Variants in SLC6A2 observed in about 807,000 individuals in gnomAD.
SLC6A2 encodes the protein sodium-dependent noradrenaline transporter.
A neutral mutation model predicts 71.7 loss-of-function variants in SLC6A2; 26 were observed. The observed-to-expected ratio is 0.36, with a 90% CI of 0.27 to 0.50. The LOEUF (loss-of-function observed/expected upper bound fraction) is 0.50. Among genes scored for constraint, SLC6A2 ranks in the 20% least tolerant of loss-of-function variants. The pLI, the probability that SLC6A2 is intolerant of heterozygous loss-of-function variation, is 0.96. For missense variants in SLC6A2, 581 were observed against 803.9 expected (o/e 0.72, Z 3.35); for synonymous variants, 363 against 337.9 (o/e 1.07, Z -0.82).
At chr16:55,699,806 G>C (rs1224685331) in intron 12 of SLC6A2, 152 bp downstream of exon 12, 1 of 715,078 alleles carries the variant, frequency 1.4e-6, no homozygotes, top group Non-Finnish European at 2.5e-6. Context: ...TTGGCCCTGT[G>C]GATAACGTGG....
chr16:55,662,791 T>A (rs1369031537), intron 2 of SLC6A2, among the ~76,000 whole-genome samples: 2 of 152,204 alleles, frequency 1.3e-5, no homozygotes, highest in African/African-American at 4.8e-5. Flanking sequence ...GTTTAATCCA[T>A]CAGGGGAGTG....
intron 5 of SLC6A2, among the ~76,000 whole-genome samples, chr16:55,687,668 A>C (rs1965497770): frequency 6.6e-6 from 1 of 152,180 alleles, no homozygotes; most frequent in Non-Finnish European, 1.5e-5. Flanking sequence ...GAATTGCAGA[A>C]GATATATGAG....
At chr16:55,691,800 G>C (rs898298467) in intron 5 of SLC6A2, 118 bp from the exon 6 acceptor site, 68 of 1,194,054 alleles carry the variant, frequency 5.7e-5, no homozygotes, top group Admixed American at 1.1e-4. Flanking sequence ...TGTGCTTTGG[G>C]TAAAGGAAGG....
At chr16:55,672,693 A>T (rs191626701) in intron 4 of SLC6A2, among the ~76,000 whole-genome samples, 39 of 152,278 alleles carry the variant, frequency 2.6e-4, no homozygotes, top group African/African-American at 9.4e-4. Context: ...AGTCTGACTC[A>T]CCCTGGGCTG....
At position 55,705,165 on chromosome 16, in the gene SLC6A2, G is replaced by A. The variant is rs1437561432; in HGVS notation, c.*2819G>A. 12 of 1,229,414 alleles carry A rather than the reference G, an allele frequency of 9.8e-6. No homozygotes were observed. Among genetic ancestry groups the A allele is most frequent in the African/African-American group, 3.0e-5 (2 of 66,994 alleles). 76.2% of individuals were successfully genotyped at this position (1,229,414 alleles called of 1,614,324 possible). Reference sequence around the variant, plus strand: ...ATCAGTTTGAGAACATCACATTTACGTCTACTCAATGTCTAGTTATTTAGC... The same window carrying A: ...ATCAGTTTGAGAACATCACATTTACATCTACTCAATGTCTAGTTATTTAGC... On this transcript the variant is annotated 3_prime_UTR_variant, in exon 15 of 15. Transcript: ENST00000568943.
chr16:55,677,059 C>T (rs1965112264), intron 4 of SLC6A2, among the ~76,000 whole-genome samples: 1 of 152,148 alleles, frequency 6.6e-6, no homozygotes, highest in Admixed American at 6.5e-5. Flanking sequence ...CGTTGGAAGC[C>T]CTTGTTTACA....
chr16:55,669,588 C>A lies in SLC6A2; in HGVS notation c.298C>A (p.Leu100Met). 1 of 1,614,072 alleles carries A rather than the reference C, an allele frequency of 6.2e-7. No individual in the cohort carries two copies. Among genetic ancestry groups the A allele is most frequent in the Non-Finnish European group, 8.5e-7 (1 of 1,179,948 alleles). Reference sequence around the variant, plus strand: ...AGGTGCCTTCTTGATCCCGTACACACTGTTCCTTATCATCGCGGGGATGCC... The same window carrying A: ...AGGTGCCTTCTTGATCCCGTACACAATGTTCCTTATCATCGCGGGGATGCC... ...GGGAFLIPYTLFLIIAGMPLF... is the reference protein window; with the variant it reads ...GGGAFLIPYTMFLIIAGMPLF... Residue 100 changes from leucine (L) to methionine (M), a missense_variant, in exon 3 of 15, where the codon CTG becomes ATG. Leu to Met is a conservative substitution (Grantham distance 15). This residue lies in a region of SLC6A2 where 81 missense variants were observed against 152.4 expected (regional missense o/e 0.53). Transcript: ENST00000568943.
chr16:55,702,547 C>G lies in SLC6A2; in HGVS notation c.*201C>G. The G allele has an allele frequency of 2.7e-6, 4 of 1,480,292 alleles. No individual in the cohort carries two copies. Among genetic ancestry groups the G allele is most frequent in the Non-Finnish European group, 2.7e-6 (3 of 1,113,926 alleles). 91.7% of individuals were successfully genotyped at this position (1,480,292 alleles called of 1,614,324 possible). On this transcript the variant is annotated 3_prime_UTR_variant, in exon 15 of 15. Coordinates refer to ENST00000568943, the MANE Select transcript of SLC6A2 (RefSeq NM_001172501.3). ...GTGCATCTGGCCTGGGGGCTGTTAG[C>G]TCAGAGGAGAGGAGCAAACAGGAAA...
Position 55,705,322 on chromosome 16 carries a change from C to T in SLC6A2, c.*2976C>T, listed in dbSNP as rs16955699. On this transcript the variant is annotated 3_prime_UTR_variant, in exon 15 of 15. Transcript: ENST00000568943. ...ATTCTCAAAAGGAGTTACCGCTCAGCTGGGAGCCAGTTCCTGCTATATGAT... is the reference window on the plus strand; with the variant it reads ...ATTCTCAAAAGGAGTTACCGCTCAGTTGGGAGCCAGTTCCTGCTATATGAT... 3.2e-3 allele frequency: 4,265 copies of T among 1,341,612 alleles called. 109 individuals carry two copies. The African/African-American group carries it at 0.055, about 17-fold the overall frequency. 83.1% of individuals were successfully genotyped at this position (1,341,612 alleles called of 1,614,324 possible). A position where few individuals can be genotyped will look rare whatever the true frequency, so the allele number is the denominator to read the frequency against.
At chr16:55,674,602 T>C (rs1965025861) in intron 4 of SLC6A2, among the ~76,000 whole-genome samples, 1 of 152,078 alleles carries the variant, frequency 6.6e-6, no homozygotes, top group African/African-American at 2.4e-5. Context: ...TTTTTGAATT[T>C]TTAGTAGAGA....
chr16:55,700,430 C>A, intron 13 of SLC6A2, 124 bp downstream of exon 13: 1 of 788,908 alleles, frequency 1.3e-6, no homozygotes, highest in Non-Finnish European at 2.0e-6. Flanking sequence ...GTCAAACGGA[C>A]CCACCTCATT....
rs1446137460 is a variant in SLC6A2 at position 55,703,359 on chromosome 16, C to T, written c.*1013C>T. On this transcript the variant is annotated 3_prime_UTR_variant, in exon 15 of 15. Transcript: ENST00000568943. Reference sequence around the variant, plus strand: ...GTTCTTGCACACCTGCACAGCCTCCCTCTGGGGATCCCACCTGGAGTGGAC... The same window carrying T: ...GTTCTTGCACACCTGCACAGCCTCCTTCTGGGGATCCCACCTGGAGTGGAC... 1.1e-5 allele frequency: 11 copies of T among 985,262 alleles called. No individual in the cohort carries two copies. The highest frequency in any genetic ancestry group is 1.3e-5 in the Non-Finnish European group (11 of 829,934). The allele number at this position is 985,262 out of a possible 1,614,324, so 61.0% of individuals were successfully genotyped here. A position where few individuals can be genotyped will look rare whatever the true frequency, so the allele number is the denominator to read the frequency against.
intron 9 of SLC6A2, among the ~76,000 whole-genome samples, chr16:55,697,107 C>G (rs1443134197): frequency 6.6e-6 from 1 of 152,152 alleles, no homozygotes; most frequent in Non-Finnish European, 1.5e-5. Flanking sequence ...TATGTCTACC[C>G]TTAGTACCTC....
chr16:55,704,933 G>T lies in SLC6A2; in HGVS notation c.*2587G>T, dbSNP rs2044679454. The T allele has an allele frequency of 3.7e-6, 1 of 271,772 alleles. No individual in the cohort carries two copies. Among genetic ancestry groups the T allele is most frequent in the Admixed American group, 5.2e-5 (1 of 19,162 alleles). The allele number at this position is 271,772 out of a possible 1,614,324, so 16.8% of individuals were successfully genotyped here. A position where few individuals can be genotyped will look rare whatever the true frequency, so the allele number is the denominator to read the frequency against. On this transcript the variant is annotated 3_prime_UTR_variant, in exon 15 of 15. Transcript: ENST00000568943. The stretch of plus-strand genomic sequence containing the variant: ...GGAAGTTCTCGGGGAGGTGCTTGGA[G>T]ATCATTTGGGTTTACCTTTCCACCC...
At chr16:55,672,785 C>G (rs574471953) in intron 4 of SLC6A2, among the ~76,000 whole-genome samples, 2 of 152,334 alleles carry the variant, frequency 1.3e-5, no homozygotes, top group East Asian at 3.9e-4. Flanking sequence ...CAGCTGTATG[C>G]AGCTCTGAGA....
intron 4 of SLC6A2, among the ~76,000 whole-genome samples, chr16:55,683,781 G>A (rs1428173650): frequency 1.3e-5 from 2 of 152,186 alleles, no homozygotes; most frequent in South Asian, 4.1e-4. Flanking sequence ...TCAGGAAAGA[G>A]CATGATGAAT....
intron 14 of SLC6A2, 99 bp downstream of exon 14, chr16:55,702,033 C>T (rs1567460609): frequency 1.0e-6 from 1 of 968,086 alleles, no homozygotes; most frequent in South Asian, 1.3e-5. Context: ...ATCCAGAAAA[C>T]CCAGAAACCC....
chr16:55,672,647 C>T (rs1246870112), intron 4 of SLC6A2, among the ~76,000 whole-genome samples: 1 of 152,160 alleles, frequency 6.6e-6, no homozygotes, highest in Non-Finnish European at 1.5e-5. Context: ...CGATGAGCTG[C>T]AGGTTGAACC....
At chr16:55,698,170 C>A in intron 10 of SLC6A2, 145 bp downstream of exon 10, 1 of 886,248 alleles carries the variant, frequency 1.1e-6, no homozygotes, top group Non-Finnish European at 1.8e-6. Flanking sequence ...GCCTGACCCA[C>A]TAGGGTTAGG....
Sources: allele counts gnomAD v4.1 joint callset (sites outside exome capture counted in the v4.1 genomes callset), GRCh38; gene constraint gnomAD v4.1.1; regional missense constraint gnomAD v4.1.1; transcripts MANE v1.5; gene names NCBI Gene and HGNC (gene_info 2026-07-23, HGNC 2026-07-21).